The following KRT76 variants were observed in gnomAD, a reference collection of about 807,000 sequenced individuals.
KRT76 encodes keratin, type II cytoskeletal 2 oral.
In KRT76, 47 loss-of-function variants were observed where a neutral mutation model predicts 44.9. The observed-to-expected ratio is 1.05, with a 90% CI of 0.83 to 1.33. KRT76 has a LOEUF of 1.33. KRT76 is among the 40% of genes most tolerant of loss of function. KRT76 has a pLI of 0.00. For synonymous variants in KRT76, 331 were observed against 294.1 expected (o/e 1.13, Z -1.28); for missense variants, 860 against 775.8 (o/e 1.11, Z -1.29).
intron 1 of KRT76, 129 bp from the exon 2 acceptor site, chr12:52,775,731 G>A (rs1939252630): frequency 2.8e-6 from 2 of 702,946 alleles, no homozygotes; most frequent in Admixed American, 2.8e-5. Flanking sequence ...TTTTTAATTT[G>A]GGAAGGATGA....
At chr12:52,769,610 C>A (rs199526812) in intron 7 of KRT76, 27 bp from the exon 8 acceptor site, 5 of 1,608,730 alleles carry the variant, frequency 3.1e-6, no homozygotes, top group East Asian at 2.2e-5. Flanking sequence ...GAGGTGAATT[C>A]TTTCTGTTAT....
chr12:52,775,827 A>G (rs1397530164), intron 1 of KRT76, among the ~76,000 whole-genome samples: 1 of 152,134 alleles, frequency 6.6e-6, no homozygotes, highest in Non-Finnish European at 1.5e-5. Context: ...TTTAATCCTC[A>G]CAACCACCTA....
intron 3 of KRT76, 32 bp from the exon 4 acceptor site, chr12:52,772,910 C>A (rs1364111116): frequency 2.0e-6 from 3 of 1,467,460 alleles, no homozygotes; most frequent in South Asian, 2.3e-5. Context: ...CAGAGAATGA[C>A]CCTCTGTTCC....
In KRT76 at chr12:52,768,983, A is replaced by T. The variant is rs933796311; in HGVS notation, c.1647T>A (p.Tyr549Ter). 13 of 1,092,314 alleles carry T rather than the reference A, an allele frequency of 1.2e-5. No individual in the cohort carries two copies. In the African/African-American group the frequency reaches 2.1e-4, roughly 18 times the overall value. 67.7% of individuals were successfully genotyped at this position (1,092,314 alleles called of 1,614,324 possible). Residue 549 changes from tyrosine to a stop codon, truncating the protein, a stop_gained, in exon 9 of 9, where the codon TAT becomes TAA. Transcript: ENST00000332411. LOFTEE classifies it low-confidence loss of function (END_TRUNC). ...GGSSSSSSSG[Y>*]GVSGGSGSGY... ...CACTGCCGCTGCCGCCACTGACTCCATAGCCACTGCTGCTGCTGCTGCTGC... is the reference window on the plus strand; with the variant it reads ...CACTGCCGCTGCCGCCACTGACTCCTTAGCCACTGCTGCTGCTGCTGCTGC...
At chr12:52,769,805 A>T (rs1939151845) in intron 7 of KRT76, among the ~76,000 whole-genome samples, 2 of 152,192 alleles carry the variant, frequency 1.3e-5, no homozygotes, top group African/African-American at 4.8e-5. Flanking sequence ...CTTAGCCCTT[A>T]GAGATTATCT....
chr12:52,775,625 G>T (rs1939250689), intron 1 of KRT76, 23 bp from the exon 2 acceptor site: 2 of 1,604,706 alleles, frequency 1.2e-6, no homozygotes, highest in South Asian at 1.1e-5. Flanking sequence ...GGGGAGAAAA[G>T]GAGTCAGCCC....
chr12:52,776,586 G>A (rs1166082418), intron 1 of KRT76, 106 bp downstream of exon 1: 20 of 1,579,286 alleles, frequency 1.3e-5, no homozygotes, highest in South Asian at 4.6e-5. Context: ...ACCAGGACAA[G>A]AGCCAAGCGC....
Position 52,772,839 on chromosome 12 carries a change from C to A in KRT76, c.916G>T (p.Ala306Ser). ...AAFMNKVELQ[A>S]KVDSLTDEVS... ...TCATCTGTCAGGCTGTCCACTTTGG[C>A]CTGCAGCTCCACCTTGTTCATGAAA... The change falls in exon 4 of 9, where the codon GCC becomes TCC. Residue 306 changes from alanine (A) to serine (S), a missense_variant. Coordinates refer to ENST00000332411, the MANE Select transcript of KRT76 (RefSeq NM_015848.4). The A allele has an allele frequency of 6.2e-7, 1 of 1,614,158 alleles. No individual in the cohort carries two copies. The highest frequency in any genetic ancestry group is 8.5e-7 in the Non-Finnish European group (1 of 1,180,006).
intron 4 of KRT76, 56 bp downstream of exon 4, chr12:52,772,723 AAGTT>A (rs1939205337): frequency 4.0e-6 from 5 of 1,252,470 alleles, no homozygotes; most frequent in Non-Finnish European, 3.5e-6. Context: ...CTGTCCCCTA[AAGTT>A]ATGCTTGGGA....
rs200090449 is a variant in KRT76 at position 52,770,137 on chromosome 12, C to CAT, written c.1485-556_1485-555dup. On this transcript the variant is annotated intron_variant, in intron 7 of 8. Coordinates refer to ENST00000332411, the MANE Select transcript of KRT76 (RefSeq NM_015848.4). ...CTTGTTAATGGAGCAGGCACATCCA[C>CAT]ATATCTGAGAAGATATGGATTGGGT... Among the ~76,000 whole-genome samples the CAT allele has an allele frequency of 6.2e-3, 947 of 152,296 alleles. 8 individuals carry two copies. Among genetic ancestry groups the CAT allele is most frequent in the African/African-American group, 0.022 (907 of 41,534 alleles).
Position 52,776,989 on chromosome 12 carries a change from G to C in KRT76, c.303C>G (p.Ser101Arg). 6.2e-7 allele frequency: 1 copy of C among 1,613,862 alleles called. No homozygotes were observed. Among genetic ancestry groups the C allele is most frequent in the South Asian group, 1.1e-5 (1 of 91,054 alleles). ...AGGYGGGFGGSYGGGFGGGRG... is the reference protein window; with the variant it reads ...AGGYGGGFGGRYGGGFGGGRG... ...TGCCACCACCAAAGCCACCACCATA[G>C]CTGCCCCCAAAGCCACCTCCATAGC... The change falls in exon 1 of 9, where the codon AGC becomes AGG. Residue 101 changes from serine (S) to arginine (R), a missense_variant. Physicochemically the swap from Ser to Arg is moderately radical, Grantham distance 110 (BLOSUM62 -1). Transcript: ENST00000332411.
rs769174461 is a variant in KRT76, at chr12:52,772,168, C to T, written c.1063G>A (p.Ala355Thr). Residue 355 changes from alanine to threonine, a missense_variant, in exon 5 of 9, where the codon GCC (alanine) becomes ACC (threonine). Transcript: ENST00000332411. ...TCCTCATACTGGGCGCGGACCTCGG[C>T]AATGATGCTGCCCAGGTCCAGGCAG... ...NRCLDLGSII[A>T]EVRAQYEEIA... 12 of 1,613,672 alleles carry T rather than the reference C, an allele frequency of 7.4e-6. No individual in the cohort carries two copies. The African/African-American group carries it at 1.6e-4, about 22-fold the overall frequency.
In KRT76 at chr12:52,771,854, G is replaced by T; in HGVS notation, c.1263+17C>A. On this transcript the variant is annotated intron_variant, in intron 6 of 8. Coordinates refer to ENST00000332411, the MANE Select transcript of KRT76 (RefSeq NM_015848.4). Reference sequence around the variant, plus strand: ...CCCAGAAGACCTCTGGGATCTCTCCGTTAAACCCAGCCCCACCTGCTTCTT... The same window carrying T: ...CCCAGAAGACCTCTGGGATCTCTCCTTTAAACCCAGCCCCACCTGCTTCTT... The T allele has an allele frequency of 6.2e-7, 1 of 1,611,018 alleles. No homozygotes were observed. Among genetic ancestry groups the T allele is most frequent in the Non-Finnish European group, 8.5e-7 (1 of 1,178,070 alleles).
At chr12:52,772,648 T>C (rs1939204340) in intron 4 of KRT76, 135 bp downstream of exon 4, 1 of 712,012 alleles carries the variant, frequency 1.4e-6, no homozygotes, top group African/African-American at 1.7e-5. Flanking sequence ...AGTTAACATT[T>C]CCCAGGTGGG....
chr12:52,771,798 G>A, intron 6 of KRT76, 73 bp downstream of exon 6: 1 of 1,530,312 alleles, frequency 6.5e-7, no homozygotes, highest in South Asian at 1.2e-5. Flanking sequence ...ATGTAGCAGA[G>A]GAGCAGAGCT....
In KRT76 at chr12:52,777,175, A is replaced by G; in HGVS notation, c.117T>C (p.Ala39=). ...TCCTGAAGCCACAGGCCCCTCCACC[A>G]GCTCCCCCAGAGCGGGCCACACAGC... ...RMSCVARSGG[A]GGGACGFRSG... is the part of the protein sequence containing the mutation. The change falls in exon 1 of 9, where the codon GCT becomes GCC. Residue 39 remains alanine, a synonymous_variant. Transcript: ENST00000332411. The G allele has an allele frequency of 6.2e-7, 1 of 1,614,150 alleles. No homozygotes were observed. Among genetic ancestry groups the G allele is most frequent in the Admixed American group, 1.7e-5 (1 of 60,024 alleles).
Position 52,768,750 on chromosome 12 carries a change from TG to T in KRT76, c.1879del (p.Gln627ArgfsTer30). On this transcript the variant is annotated frameshift_variant, in exon 9 of 9. Transcript: ENST00000332411. LOFTEE classifies it high-confidence loss of function. ...GCTATGCTGGCTTGAGCTCGTGGTC[TG>T]GGAGAAGCGGATACTGGTGCTGCCT... Reference protein sequence around the residue: ...GGGSTSIRFSQTTSSSQHSST... With the variant: ...GGGSTSIRFSXTTSSSQHSST... The T allele has an allele frequency of 1.2e-6, 2 of 1,607,398 alleles. No homozygotes were observed. The highest frequency in any genetic ancestry group is 2.2e-5 in the South Asian group (2 of 90,930).
Position 52,772,838 on chromosome 12 carries a change from G to A in KRT76, c.917C>T (p.Ala306Val), listed in dbSNP as rs1309825841. ...AAFMNKVELQAKVDSLTDEVS... is the reference protein window; with the variant it reads ...AAFMNKVELQVKVDSLTDEVS... ...TTCATCTGTCAGGCTGTCCACTTTG[G>A]CCTGCAGCTCCACCTTGTTCATGAA... Residue 306 changes from alanine (A) to valine (V), a missense_variant, in exon 4 of 9, where the codon GCC becomes GTC. By Grantham distance (64) the Ala-to-Val change is moderately conservative (BLOSUM62 0). Coordinates refer to ENST00000332411, the MANE Select transcript of KRT76 (RefSeq NM_015848.4). The A allele has an allele frequency of 8.1e-6, 13 of 1,614,008 alleles. No homozygotes were observed. Among genetic ancestry groups the A allele is most frequent in the African/African-American group, 1.3e-5 (1 of 74,904 alleles).
chr12:52,773,506 C>T (rs1229995146), intron 3 of KRT76, 76 bp downstream of exon 3: 1 of 1,032,986 alleles, frequency 9.7e-7, no homozygotes, highest in Non-Finnish European at 1.5e-6. Context: ...TGCCCCAGAA[C>T]AGCTGGCTGT....
Sources: gnomAD v4.1 joint callset for allele counts (sites outside exome capture counted in the v4.1 genomes callset) on GRCh38, gnomAD v4.1.1 for gene constraint, MANE v1.5 for transcripts, NCBI Gene and HGNC (gene_info 2026-07-23, HGNC 2026-07-21) for gene names.